Variants in SLC38A6 observed in about 807,000 individuals in gnomAD.
The protein encoded by SLC38A6 is solute carrier family 38 member 6.
In SLC38A6, 73 loss-of-function variants were observed where a neutral mutation model predicts 65.0. The observed-to-expected ratio is 1.12, with a 90% CI of 0.93 to 1.37. SLC38A6 has a LOEUF of 1.37. Ranked by LOEUF, SLC38A6 falls within the 40% of genes most tolerant of loss-of-function variation. The pLI, the probability that SLC38A6 is intolerant of heterozygous loss-of-function variation, is 0.00. For synonymous variants in SLC38A6, 183 were observed against 178.8 expected, an observed-to-expected ratio of 1.02 and a Z score of -0.19; for missense variants, 561 against 531.1, an observed-to-expected ratio of 1.06 and a Z score of -0.55.
At chr14:61,042,718 T>C (rs868326343) in intron 8 of SLC38A6, among the ~76,000 whole-genome samples, 16 of 152,236 alleles carry the variant, frequency 1.1e-4, no homozygotes, top group Admixed American at 7.2e-4. Flanking sequence ...CTTCTGAGTA[T>C]AAAGTCTGTA....
intron 15 of SLC38A6, among the ~76,000 whole-genome samples, chr14:61,060,896 C>A (rs992349663): frequency 7.0e-5 from 10 of 142,048 alleles, no homozygotes; most frequent in African/African-American, 2.4e-4. Context: ...CAGGTGCGTC[C>A]GTCACCCCTT....
chr14:61,075,877 C>T (rs941756353), intron 15 of SLC38A6, among the ~76,000 whole-genome samples: 3 of 148,640 alleles, frequency 2.0e-5, no homozygotes, highest in Non-Finnish European at 4.4e-5. Context: ...TTTTTTGAAA[C>T]GGAGTTTCAC....
intron 3 of SLC38A6, among the ~76,000 whole-genome samples, chr14:61,012,964 G>GACAATTATATGTTTTGGAGTTGCTCTTC (rs2039694478): frequency 6.6e-6 from 1 of 152,170 alleles, no homozygotes; most frequent in Non-Finnish European, 1.5e-5. Context: ...TCGTGGATCT[G>GACAATTATATGTTTTGGAGTTGCTCTTC]TCTAATGTTA....
chr14:61,044,816 T>C (rs2042037631), intron 10 of SLC38A6, among the ~76,000 whole-genome samples: 1 of 152,126 alleles, frequency 6.6e-6, no homozygotes, highest in Non-Finnish European at 1.5e-5. Flanking sequence ...TCATTCCCAT[T>C]GAAAGAGATC....
intron 12 of SLC38A6, among the ~76,000 whole-genome samples, chr14:61,047,568 TG>T (rs1361899457): frequency 6.6e-6 from 1 of 152,148 alleles, no homozygotes; most frequent in African/African-American, 2.4e-5. Context: ...ACTCAGAAAT[TG>T]TGCTATAGAA....
chr14:61,001,637 T>G (rs2038718957), intron 3 of SLC38A6, among the ~76,000 whole-genome samples: 1 of 152,200 alleles, frequency 6.6e-6, no homozygotes, highest in Admixed American at 6.5e-5. Context: ...GTTTTTAATT[T>G]TTTTGGTGAT....
intron 3 of SLC38A6, chr14:61,004,364 G>C (rs1033663550): frequency 6.6e-6 from 1 of 152,098 alleles, no homozygotes; most frequent in African/African-American, 2.4e-5. Flanking sequence ...TAGGTCATTT[G>C]AAAAGCAGGT....
intron 6 of SLC38A6, among the ~76,000 whole-genome samples, chr14:61,034,483 G>A (rs2041216864): frequency 6.6e-6 from 1 of 152,078 alleles, no homozygotes; most frequent in Non-Finnish European, 1.5e-5. Context: ...AATCTCCTTT[G>A]GTACTCCTTT....
At chr14:60,987,119 G>C in intron 3 of SLC38A6, 1 of 348,368 alleles carries the variant, frequency 2.9e-6, no homozygotes, top group Non-Finnish European at 5.5e-6. Flanking sequence ...GTCTTCCGTT[G>C]ATTGAATTCC....
chr14:60,983,301 G>C (rs189745108), intron 2 of SLC38A6, among the ~76,000 whole-genome samples: 1 of 152,210 alleles, frequency 6.6e-6, no homozygotes, highest in African/African-American at 2.4e-5. Flanking sequence ...GACCAACCTG[G>C]GCAAGATGGT....
In SLC38A6 at chr14:61,046,097, C is replaced by G. The variant is rs768330689; in HGVS notation, c.855C>G (p.Thr285=). ...SPSKKRMQNV[T]NTAIALSFLI... ...CAAAGAAAAGAATGCAGAATGTTAC[C>G]AATACAGCAATTGCTTTAAGTTTTC... The change falls in exon 12 of 16, where the codon ACC becomes ACG. Residue 285 remains threonine (T), a synonymous_variant. Transcript: ENST00000267488. The G allele has an allele frequency of 8.1e-6, 13 of 1,610,046 alleles. No homozygotes were observed. Among genetic ancestry groups the G allele is most frequent in the Non-Finnish European group, 1.1e-5 (13 of 1,177,366 alleles).
chr14:60,985,310 GAAAT>G (rs2037374218), intron 3 of SLC38A6, among the ~76,000 whole-genome samples: 2 of 152,126 alleles, frequency 1.3e-5, no homozygotes, highest in African/African-American at 4.8e-5. Context: ...TTTCCTAAGA[GAAAT>G]AAGTATGTGC....
intron 15 of SLC38A6, among the ~76,000 whole-genome samples, chr14:61,074,859 G>A (rs940802021): frequency 1.3e-5 from 2 of 150,870 alleles, no homozygotes; most frequent in Non-Finnish European, 3.0e-5. Flanking sequence ...TTTTTTTGGT[G>A]GTGGTGGGGA....
At chr14:61,018,220 A>T (rs1439667811) in intron 4 of SLC38A6, among the ~76,000 whole-genome samples, 1 of 152,232 alleles carries the variant, frequency 6.6e-6, no homozygotes, top group African/African-American at 2.4e-5. Flanking sequence ...ACCAAATTTC[A>T]TGTATACCTA....
chr14:61,067,194 C>G (rs900312920), intron 15 of SLC38A6, among the ~76,000 whole-genome samples: 2 of 152,182 alleles, frequency 1.3e-5, no homozygotes, highest in Non-Finnish European at 2.9e-5. Context: ...TAATTTTGGA[C>G]AAGTTACTAT....
Position 61,014,841 on chromosome 14 carries a change from T to A in SLC38A6, c.311-1063T>A, listed in dbSNP as rs539129485. Among the ~76,000 whole-genome samples the A allele has an allele frequency of 2.0e-5, 3 of 152,298 alleles. No individual in the cohort carries two copies. The East Asian group carries it at 5.8e-4, about 29-fold the overall frequency. The stretch of plus-strand genomic sequence containing the variant: ...GGCTCCTCGGGGGTCAGGGACCCAC[T>A]TGAGGAGGCATTCTGTCCCTTCTCA... On this transcript the variant is annotated intron_variant, in intron 3 of 15. Coordinates refer to ENST00000267488, the MANE Select transcript of SLC38A6 (RefSeq NM_153811.3).
At chr14:61,077,076 AT>A in intron 15 of SLC38A6, among the ~76,000 whole-genome samples, 1 of 152,252 alleles carries the variant, frequency 6.6e-6, no homozygotes, top group Non-Finnish European at 1.5e-5. Context: ...CATTGATAAG[AT>A]TGCAGACTTT....
chr14:60,992,564 T>G (rs2037979617), intron 3 of SLC38A6, among the ~76,000 whole-genome samples: 1 of 152,176 alleles, frequency 6.6e-6, no homozygotes, highest in South Asian at 2.1e-4. Flanking sequence ...AGAAAATAAC[T>G]TTAAATAGTG....
chr14:60,992,871 G>A (rs966943585), intron 3 of SLC38A6, among the ~76,000 whole-genome samples: 58 of 149,318 alleles, frequency 3.9e-4, no homozygotes, highest in African/African-American at 1.4e-3. Context: ...TTTTTTTGAG[G>A]CAGTCTTGCT....
Sources: gnomAD v4.1 joint callset for allele counts (sites outside exome capture counted in the v4.1 genomes callset) on GRCh38, gnomAD v4.1.1 for gene constraint, MANE v1.5 for transcripts, NCBI Gene and HGNC (gene_info 2026-07-23, HGNC 2026-07-21) for gene names.